PATJ: variants seen among roughly 807,000 people sequenced by gnomAD.
PATJ encodes PATJ crumbs cell polarity complex component.
Under a neutral mutation model 224.9 loss-of-function variants are expected in PATJ, and 190 were observed. The ratio of observed to expected loss-of-function variants is 0.84; its 90% CI spans 0.75 to 0.95. The LOEUF (loss-of-function observed/expected upper bound fraction) is 0.95, where lower values mean the gene tolerates loss of function less well. Among genes scored for constraint, PATJ ranks in the 40% least tolerant of loss-of-function variants. PATJ has a pLI of 0.00. For synonymous variants in PATJ, 769 were observed against 820.3 expected (o/e 0.94, Z 1.07); for missense variants, 2,121 against 2,270.3 (o/e 0.93, Z 1.34).
chr1:62,018,726 G>GA lies in PATJ; in HGVS notation c.3959+783dup, dbSNP rs1464481227. ...CATTCATTGTGATATTTCAGAAATT[G>GA]AAAATGCTCAATACAACATCTAGCA... On this transcript the variant is annotated intron_variant, in intron 29 of 43. Transcript: ENST00000642238. The surrounding 1 kb of genome is among the most constrained non-coding windows in gnomAD (Gnocchi z 4.2). 6.6e-6 allele frequency among the ~76,000 whole-genome samples: 1 copy of GA among 152,162 alleles called. No individual in the cohort carries two copies. Among genetic ancestry groups the GA allele is most frequent in the Non-Finnish European group, 1.5e-5 (1 of 68,034 alleles).
chr1:62,068,754 T>C (rs1656910471), intron 31 of PATJ, among the ~76,000 whole-genome samples: 1 of 152,246 alleles, frequency 6.6e-6, no homozygotes, highest in South Asian at 2.1e-4. Flanking sequence ...CTTCACTTGA[T>C]CACAGTAATT....
chr1:61,978,464 C>T lies in PATJ; in HGVS notation c.3671-11704C>T, dbSNP rs564273969. Reference sequence around the variant, plus strand: ...ATTTTTAGTAGAGAGGGGGTTGCTCCGTGTTGGTCAGGCTGGTCTCGAACT... The same window carrying T: ...ATTTTTAGTAGAGAGGGGGTTGCTCTGTGTTGGTCAGGCTGGTCTCGAACT... On this transcript the variant is annotated intron_variant, in intron 27 of 43. Coordinates refer to ENST00000642238, the MANE Select transcript of PATJ (RefSeq NM_001350145.3). Among the ~76,000 whole-genome samples, 13 of 151,946 alleles carry T rather than the reference C, an allele frequency of 8.6e-5. No homozygotes were observed. In the East Asian group the frequency reaches 9.7e-4, roughly 11 times the overall value.
chr1:62,104,957 T>C (rs1662716045), intron 33 of PATJ, among the ~76,000 whole-genome samples: 1 of 152,208 alleles, frequency 6.6e-6, no homozygotes, highest in African/African-American at 2.4e-5. Context: ...CCCAAAGTGC[T>C]GGGATTATAG....
chr1:61,789,292 C>A (rs12069497), intron 8 of PATJ, among the ~76,000 whole-genome samples: 5,539 of 149,652 alleles, frequency 0.037, 351 homozygotes, highest in African/African-American at 0.13. Context: ...GCCAACAGGG[C>A]AAGACTCTAT....
intron 6 of PATJ, among the ~76,000 whole-genome samples, chr1:61,772,101 C>T (rs922168935): frequency 4.3e-5 from 6 of 140,788 alleles, no homozygotes; most frequent in East Asian, 2.2e-4. Flanking sequence ...TGTTTCATGA[C>T]GGTCGTTTTT....
intron 14 of PATJ, among the ~76,000 whole-genome samples, chr1:61,812,806 G>A (rs59502165): frequency 0.014 from 2,177 of 152,024 alleles, 67 homozygotes; most frequent in African/African-American, 0.05. Context: ...CCAAGATTGT[G>A]CCACTGGACT....
chr1:61,818,624 G>A (rs1557700077), intron 14 of PATJ, among the ~76,000 whole-genome samples: 1 of 152,208 alleles, frequency 6.6e-6, no homozygotes, highest in Admixed American at 6.5e-5. Context: ...ATATTAGGTA[G>A]GCATCCTTCA....
chr1:62,000,298 T>C (rs1645677862), intron 28 of PATJ, among the ~76,000 whole-genome samples: 1 of 150,258 alleles, frequency 6.7e-6, no homozygotes, highest in Non-Finnish European at 1.5e-5. Flanking sequence ...GCTGCACCCA[T>C]TAACTCGTCA....
chr1:61,812,406 CTGAGAG>C (rs1200310713), intron 14 of PATJ, among the ~76,000 whole-genome samples: 1 of 48,834 alleles, frequency 2.0e-5, no homozygotes, highest in South Asian at 6.2e-4. Flanking sequence ...ATGTGAGTGA[CTGAGAG>C]AGAGAGAGAG....
chr1:61,988,070 A>G (rs1343506761), intron 27 of PATJ, among the ~76,000 whole-genome samples: 1 of 151,820 alleles, frequency 6.6e-6, no homozygotes, highest in Non-Finnish European at 1.5e-5. Flanking sequence ...ATGGTGGCGC[A>G]CTCCTGTGAT....
chr1:61,759,101 G>C (rs192397318), intron 1 of PATJ, among the ~76,000 whole-genome samples: 3 of 152,326 alleles, frequency 2.0e-5, no homozygotes, highest in African/African-American at 7.2e-5. Flanking sequence ...TAGGAAGTCA[G>C]CTGTCATGCA....
intron 28 of PATJ, 127 bp from the exon 29 acceptor site, chr1:62,017,729 C>CAAAAAAAAAAAAAAAAAAAA (rs58692636): frequency 9.2e-6 from 3 of 324,380 alleles, no homozygotes; most frequent in South Asian, 9.3e-5. Flanking sequence ...GAGACTGTCT[C>CAAAAAAAAAAAAAAAAAAAA]AAAAAAAAAA....
At chr1:61,889,675 G>A (rs760935370) in intron 22 of PATJ, among the ~76,000 whole-genome samples, 29 of 152,202 alleles carry the variant, frequency 1.9e-4, no homozygotes, top group Non-Finnish European at 3.8e-4. Context: ...AGCATATATA[G>A]CGTATGGATA....
intron 28 of PATJ, chr1:61,991,481 G>T: frequency 1.0e-6 from 1 of 985,130 alleles, no homozygotes; most frequent in Non-Finnish European, 1.2e-6. Flanking sequence ...TTCCTCCTCA[G>T]ACTCTGACTC....
intron 14 of PATJ, among the ~76,000 whole-genome samples, chr1:61,813,368 TATATATATATACACACACAC>T (rs1203416664): frequency 2.2e-5 from 1 of 46,146 alleles, no homozygotes; most frequent in Non-Finnish European, 4.5e-5. Context: ...TATATATATA[TATATATATATACACACACAC>T]ACACACACAC....
At chr1:61,748,125 C>A (rs7531930) in intron 1 of PATJ, among the ~76,000 whole-genome samples, 3 of 151,712 alleles carry the variant, frequency 2.0e-5, no homozygotes, top group Non-Finnish European at 2.9e-5. Flanking sequence ...GTGATCCACC[C>A]GCCTCGGCCT....
chr1:61,878,788 T>C (rs944596052), intron 21 of PATJ, among the ~76,000 whole-genome samples: 3 of 123,146 alleles, frequency 2.4e-5, no homozygotes, highest in Non-Finnish European at 5.6e-5. Context: ...AACTTATGGA[T>C]TTTTTTTTTT....
At chr1:62,084,239 G>A (rs768314245) in intron 32 of PATJ, among the ~76,000 whole-genome samples, 1 of 152,060 alleles carries the variant, frequency 6.6e-6, no homozygotes, top group Non-Finnish European at 1.5e-5. Context: ...GGGCGACAGA[G>A]TAAGACTCTG....
chr1:61,766,569 AT>A, intron 4 of PATJ, 96 bp downstream of exon 4: 1 of 785,730 alleles, frequency 1.3e-6, no homozygotes, highest in Non-Finnish European at 2.0e-6. Context: ...TGTAAAATGT[AT>A]TAGTATGTAT....
Sources: gnomAD v4.1 joint callset for allele counts (sites outside exome capture counted in the v4.1 genomes callset) on GRCh38, gnomAD v4.1.1 for gene constraint, Gnocchi (gnomAD v3.1) non-coding constraint, MANE v1.5 for transcripts, NCBI Gene and HGNC (gene_info 2026-07-23, HGNC 2026-07-21) for gene names.